Variants in HNRNPUL1 observed in about 807,000 individuals in gnomAD.
The protein encoded by HNRNPUL1 is heterogeneous nuclear ribonucleoprotein U like 1.
A neutral mutation model predicts 108.5 loss-of-function variants in HNRNPUL1; 14 were observed. The observed-to-expected ratio is 0.13, with a 90% CI of 0.09 to 0.20. The LOEUF is 0.20. HNRNPUL1 is among the 10% of genes least tolerant of loss of function. HNRNPUL1 has a pLI of 1.00. For missense variants in HNRNPUL1, 804 were observed against 1,168.3 expected (o/e 0.69, Z 4.55); for synonymous variants, 422 against 445.2 (o/e 0.95, Z 0.66).
chr19:41,299,629 C>T (rs528208767), intron 10 of HNRNPUL1, among the ~76,000 whole-genome samples: 3 of 152,218 alleles, frequency 2.0e-5, no homozygotes, highest in South Asian at 2.1e-4. Flanking sequence ...AGAGCCAGGA[C>T]GAGGGTGATG....
intron 2 of HNRNPUL1, among the ~76,000 whole-genome samples, chr19:41,269,022 T>TG (rs1437047700): frequency 7.9e-5 from 12 of 152,116 alleles, no homozygotes; most frequent in African/African-American, 2.9e-4. Flanking sequence ...CAGGGGATAT[T>TG]ATTAGGGGAT....
Position 41,264,670 on chromosome 19 carries a change from G to T in HNRNPUL1, c.167G>T (p.Arg56Leu), listed in dbSNP as rs2034698536. The T allele has an allele frequency of 6.3e-7, 1 of 1,580,354 alleles. No homozygotes were observed. The change falls in exon 1 of 15, where the codon CGA becomes CTA. Residue 56 changes from arginine to leucine, a missense_variant. Arg to Leu is a moderately radical substitution (Grantham distance 102). Coordinates refer to ENST00000392006, the MANE Select transcript of HNRNPUL1 (RefSeq NM_007040.6). ...CTCGACGCCGACGACGAACCGGGGCGACCCGGGCACATCAACGAGGAGGTC... is the reference window on the plus strand; with the variant it reads ...CTCGACGCCGACGACGAACCGGGGCTACCCGGGCACATCAACGAGGAGGTC... ...RELDADDEPG[R>L]PGHINEEVET... is the part of the protein sequence containing the mutation.
chr19:41,276,778 A>G (rs1250966311), intron 5 of HNRNPUL1: 1 of 154,490 alleles, frequency 6.5e-6, no homozygotes, highest in Non-Finnish European at 1.4e-5. Flanking sequence ...ACAAAAGTTC[A>G]GACAGCACAG....
intron 7 of HNRNPUL1, among the ~76,000 whole-genome samples, chr19:41,282,105 A>G (rs1053399721): frequency 6.6e-6 from 1 of 152,222 alleles, no homozygotes; most frequent in African/African-American, 2.4e-5. Context: ...GACCACCTGG[A>G]TGGATTCATC....
At chr19:41,280,373 T>TA (rs1471936512) in intron 6 of HNRNPUL1, among the ~76,000 whole-genome samples, 1 of 151,602 alleles carries the variant, frequency 6.6e-6, no homozygotes, top group Non-Finnish European at 1.5e-5. Flanking sequence ...CTCAAAAAGG[T>TA]AGATATGTTA....
chr19:41,265,148 T>G (rs1277932728), intron 1 of HNRNPUL1: 1 of 1,413,134 alleles, frequency 7.1e-7, no homozygotes, highest in Non-Finnish European at 9.2e-7. Flanking sequence ...GGGGAGGGTC[T>G]CGAAAATGGG....
intron 10 of HNRNPUL1, among the ~76,000 whole-genome samples, chr19:41,297,043 C>G (rs946401580): frequency 6.6e-6 from 1 of 152,222 alleles, no homozygotes; most frequent in Admixed American, 6.5e-5. Flanking sequence ...TGATTGGGCA[C>G]AAACTCTCAG....
chr19:41,287,287 T>A (rs1476156128), intron 7 of HNRNPUL1, among the ~76,000 whole-genome samples: 2 of 152,174 alleles, frequency 1.3e-5, no homozygotes, highest in African/African-American at 2.4e-5. Flanking sequence ...GTGCTAGGAT[T>A]ACAGGTGTGA....
intron 2 of HNRNPUL1, among the ~76,000 whole-genome samples, chr19:41,270,012 C>T (rs996789165): frequency 1.3e-5 from 2 of 151,592 alleles, no homozygotes; most frequent in South Asian, 2.1e-4. Context: ...GACGAAGTCT[C>T]GCTCTTGTTC....
intron 7 of HNRNPUL1, among the ~76,000 whole-genome samples, chr19:41,287,681 G>A (rs191708572): frequency 8.6e-5 from 13 of 151,708 alleles, no homozygotes; most frequent in Non-Finnish European, 1.2e-4. Context: ...AGCCTCAGCC[G>A]CCCGAGTAGC....
intron 7 of HNRNPUL1, among the ~76,000 whole-genome samples, chr19:41,288,754 G>A (rs1490153149): frequency 6.6e-6 from 1 of 152,192 alleles, no homozygotes; most frequent in Non-Finnish European, 1.5e-5. Context: ...AATTTAGCCC[G>A]TCTTCCTGTT....
In HNRNPUL1 at chr19:41,292,025, A is replaced by G. The variant is rs893656953; in HGVS notation, c.1000-220A>G. On this transcript the variant is annotated intron_variant, in intron 7 of 14. Transcript: ENST00000392006. This position sits in a 1 kb window ranked among gnomAD's most constrained non-coding sequence, Gnocchi z 4.1. ...AAAAAAACTCTTGCTTACTTGCTTC[A>G]TATCCACCAACTTTGGGGTCTTAGG... The G allele has an allele frequency of 5.3e-6, 3 of 565,384 alleles. No homozygotes were observed. The highest frequency in any genetic ancestry group is 9.4e-6 in the Non-Finnish European group (3 of 319,046). 35.0% of individuals were successfully genotyped at this position (565,384 alleles called of 1,614,324 possible).
At chr19:41,270,831 A>G (rs1054977230) in intron 2 of HNRNPUL1, among the ~76,000 whole-genome samples, 2 of 152,018 alleles carry the variant, frequency 1.3e-5, no homozygotes, top group African/African-American at 4.8e-5. Context: ...TCCTGACCTC[A>G]TGATCTGCCT....
At position 41,294,214 on chromosome 19, in the gene HNRNPUL1, T is replaced by C. The variant is rs901579689; in HGVS notation, c.1267-124T>C. 4.2e-5 allele frequency: 44 copies of C among 1,057,160 alleles called. No homozygotes were observed. In the African/African-American group the frequency reaches 6.6e-4, roughly 16 times the overall value. 65.5% of individuals were successfully genotyped at this position (1,057,160 alleles called of 1,614,324 possible). A position where few individuals can be genotyped will look rare whatever the true frequency, so the allele number is the denominator to read the frequency against. ...TACCAGTACTGTGAGGTAGATGGTA[T>C]TACTGCTTCCGCTTTGTAGAGGCAG... is the stretch of plus-strand genomic sequence containing the variant. On this transcript the variant is annotated intron_variant, in intron 8 of 14. Transcript: ENST00000392006. This position sits in a 1 kb window ranked among gnomAD's most constrained non-coding sequence, Gnocchi z 4.3.
chr19:41,264,124 G>T (rs375560752), upstream of HNRNPUL1, among the ~76,000 whole-genome samples: 55 of 152,178 alleles, frequency 3.6e-4, 2 homozygotes, highest in African/African-American at 1.3e-3. Context: ...GCCGGCGCGC[G>T]AGAGTTACCC....
intron 7 of HNRNPUL1, among the ~76,000 whole-genome samples, chr19:41,288,202 CT>C (rs71177709): frequency 0.18 from 17,179 of 93,048 alleles, 1,337 homozygotes; most frequent in East Asian, 0.35. Context: ...GGGGTTTCAT[CT>C]TTTTTTTTTT....
At chr19:41,288,396 C>T (rs539829116) in intron 7 of HNRNPUL1, among the ~76,000 whole-genome samples, 2 of 152,148 alleles carry the variant, frequency 1.3e-5, no homozygotes, top group African/African-American at 2.4e-5. Flanking sequence ...AGGCATGCGC[C>T]AGCATGCCCG....
intron 7 of HNRNPUL1, among the ~76,000 whole-genome samples, chr19:41,287,017 C>T (rs897852397): frequency 2.6e-5 from 4 of 151,080 alleles, no homozygotes; most frequent in East Asian, 2.0e-4. Context: ...CGCGCCCAGT[C>T]GGTGTGTACC....
chr19:41,264,367 C>G, upstream of HNRNPUL1: 1 of 655,912 alleles, frequency 1.5e-6, no homozygotes. Flanking sequence ...GCGGTGGCGG[C>G]GGCCATTTTG....
Sources: gnomAD v4.1 joint callset for allele counts (sites outside exome capture counted in the v4.1 genomes callset) on GRCh38, gnomAD v4.1.1 for gene constraint, Gnocchi (gnomAD v3.1) non-coding constraint, MANE v1.5 for transcripts, NCBI Gene and HGNC (gene_info 2026-07-23, HGNC 2026-07-21) for gene names.